The following PIGT variants were observed in gnomAD, a reference collection of about 807,000 sequenced individuals.
The protein encoded by PIGT is GPI-anchor transamidase component PIGT.
Under a neutral mutation model 66.7 loss-of-function variants are expected in PIGT, and 57 were observed. The observed-to-expected ratio is 0.86, with a 90% confidence interval of 0.69 to 1.07. PIGT has a LOEUF of 1.07. PIGT is among the 50% of genes least tolerant of loss of function. The pLI, the probability that PIGT is intolerant of heterozygous loss-of-function variation, is 0.00. For missense variants in PIGT, 725 were observed against 740.4 expected (o/e 0.98, Z 0.24); for synonymous variants, 362 against 320.5 (o/e 1.13, Z -1.38).
chr20:45,416,830 G>A (rs1288789588), intron 2 of PIGT, 136 bp downstream of exon 2: 20 of 740,306 alleles, frequency 2.7e-5, no homozygotes, highest in Non-Finnish European at 4.1e-5. Context: ...GGCATTGGAA[G>A]TAAGAAATGT....
chr20:45,424,256 C>T lies in PIGT; in HGVS notation c.1275C>T (p.Pro425=), dbSNP rs1990569959. 1.2e-6 allele frequency: 2 copies of T among 1,614,040 alleles called. No individual in the cohort carries two copies. Among genetic ancestry groups the T allele is most frequent in the East Asian group, 2.2e-5 (1 of 44,890 alleles). The part of the protein sequence containing the change: ...HYQPAQDRLQ[P]HLLEMLIQLP... Reference sequence around the variant, plus strand: ...AGCCTGCCCAGGACCGGCTGCAACCCCACCTCCTGGAGATGCTGATTCAGC... The same window carrying T: ...AGCCTGCCCAGGACCGGCTGCAACCTCACCTCCTGGAGATGCTGATTCAGC... Residue 425 remains proline (P), a synonymous_variant, in exon 10 of 12, where the codon CCC becomes CCT. Coordinates refer to ENST00000279036, the MANE Select transcript of PIGT (RefSeq NM_015937.6).
intron 11 of PIGT, chr20:45,425,197 TTCTTTCTTTCTC>T (rs1990661092): frequency 7.5e-6 from 1 of 133,990 alleles, no homozygotes; most frequent in Non-Finnish European, 1.6e-5. Flanking sequence ...CTTTCTTTCT[TTCTTTCTTTCTC>T]TTTCTTTCTT....
chr20:45,420,688 A>C lies in PIGT; in HGVS notation c.1028A>C (p.Glu343Ala). 6.2e-7 allele frequency: 1 copy of C among 1,613,942 alleles called. No individual in the cohort carries two copies. The highest frequency in any genetic ancestry group is 2.2e-5 in the East Asian group (1 of 44,842). ...CAGCTCAAGTGGAAGAGACCCCCAG[A>C]GAATGGTGAGTGGGTGGTTGGTTGG... ...NIQLKWKRPP[E>A]NEAPPVPFLH... The change falls in exon 8 of 12, where the codon GAG becomes GCG. Residue 343 changes from glutamate to alanine, a missense_variant. By Grantham distance (107) the Glu-to-Ala change is moderately radical (BLOSUM62 -1). Around this residue, in one of 3 missense-constraint regions of PIGT, gnomAD observed 559 missense variants for 552.7 expected, o/e 1.01. Transcript: ENST00000279036.
In PIGT at chr20:45,424,285, C is replaced by T. The variant is rs149586623; in HGVS notation, c.1304C>T (p.Pro435Leu). ...PHLLEMLIQL[P>L]ANSVTKVSIQ... ...CTCCTGGAGATGCTGATTCAGCTGC[C>T]GGCCAACTCAGTCACCAAGGTTTCC... Residue 435 changes from proline to leucine, a missense_variant, in exon 10 of 12, where the codon CCG becomes CTG. Around this residue, in one of 3 missense-constraint regions of PIGT, gnomAD observed 559 missense variants for 552.7 expected, o/e 1.01. Transcript: ENST00000279036. 3.1e-6 allele frequency: 5 copies of T among 1,614,040 alleles called. No individual in the cohort carries two copies. The highest frequency in any genetic ancestry group is 1.7e-5 in the Admixed American group (1 of 60,010).
chr20:45,425,201 TTCTTTC>T (rs1990662580), intron 11 of PIGT: 1 of 142,814 alleles, frequency 7.0e-6, no homozygotes, highest in Non-Finnish European at 1.5e-5. Context: ...CTTTCTTTCT[TTCTTTC>T]TCTTTCTTTC....
chr20:45,423,224 C>T (rs1234693562), intron 9 of PIGT: 1 of 151,778 alleles, frequency 6.6e-6, no homozygotes, highest in Admixed American at 6.6e-5. Context: ...GCCACCACGC[C>T]TGGCTAATTT....
rs2741575 is a variant in PIGT at position 45,420,149 on chromosome 20, C to A, written c.695C>A (p.Thr232Asn). ...CCCTTGTGATAGAATGCACGCTGTA[C>A]TAGCATCTCCTGGGAGCTGAGGCAG... ...IRPVCRNARC[T>N]SISWELRQTL... is the part of the protein sequence containing the mutation. Residue 232 changes from threonine to asparagine, a missense_variant, in exon 6 of 12, where the codon ACT becomes AAT. Transcript: ENST00000279036. The A allele has an allele frequency of 6.2e-7, 1 of 1,611,664 alleles. No individual in the cohort carries two copies. The highest frequency in any genetic ancestry group is 8.5e-7 in the Non-Finnish European group (1 of 1,178,756).
Position 45,421,487 on chromosome 20 carries a change from G to A in PIGT, c.1138G>A (p.Ala380Thr). ...TLLYNTHPYR[A>T]FPVLLLDTVP... ...GCTGTACAACACCCACCCATACCGGGCCTTCCCGGTGCTGCTGCTGGACAC... is the reference window on the plus strand; with the variant it reads ...GCTGTACAACACCCACCCATACCGGACCTTCCCGGTGCTGCTGCTGGACAC... The change falls in exon 9 of 12, where the codon GCC becomes ACC. Residue 380 changes from alanine (A) to threonine (T), a missense_variant. Physicochemically the swap from Ala to Thr is moderately conservative, Grantham distance 58. Coordinates refer to ENST00000279036, the MANE Select transcript of PIGT (RefSeq NM_015937.6). 4 of 1,614,210 alleles carry A rather than the reference G, an allele frequency of 2.5e-6. No individual in the cohort carries two copies. The highest frequency in any genetic ancestry group is 1.1e-5 in the South Asian group (1 of 91,088).
chr20:45,418,314 C>T (rs373809670), intron 2 of PIGT: 16 of 186,998 alleles, frequency 8.6e-5, no homozygotes, highest in East Asian at 6.2e-4. Flanking sequence ...ATACATGAGG[C>T]GCTTTCCATG....
At chr20:45,420,863 A>G in intron 8 of PIGT, 170 bp downstream of exon 8, 2 of 655,572 alleles carry the variant, frequency 3.1e-6, no homozygotes, top group South Asian at 3.9e-5. Context: ...AGGTTCCTAA[A>G]CTCCCCAAGC....
intron 4 of PIGT, 52 bp from the exon 5 acceptor site, chr20:45,419,452 C>T: frequency 1.2e-6 from 2 of 1,609,160 alleles, no homozygotes; most frequent in South Asian, 2.2e-5. Context: ...ACCTGCGCCC[C>T]ATGCCAAGTG....
intron 2 of PIGT, chr20:45,417,594 T>C (rs1466555492): frequency 6.6e-6 from 1 of 152,192 alleles, no homozygotes; most frequent in African/African-American, 2.4e-5. Context: ...TCCCAAAGTG[T>C]TGGGATTACA....
intron 8 of PIGT, 116 bp downstream of exon 8, chr20:45,420,809 A>G (rs1990315160): frequency 1.9e-6 from 2 of 1,062,818 alleles, no homozygotes; most frequent in East Asian, 2.4e-5. Context: ...TTCCAGAGTC[A>G]TATGCTGCTG....
chr20:45,424,736 G>T, intron 11 of PIGT, 157 bp downstream of exon 11: 2 of 614,602 alleles, frequency 3.3e-6, no homozygotes, highest in Non-Finnish European at 5.8e-6. Flanking sequence ...CTGGCAGTCT[G>T]TGGAATTTGT....
At chr20:45,419,257 C>A (rs1990186417) in intron 3 of PIGT, 38 bp from the exon 4 acceptor site, 1 of 1,549,840 alleles carries the variant, frequency 6.5e-7, no homozygotes, top group South Asian at 1.1e-5. Flanking sequence ...GGGGTCAGAG[C>A]CCAAGGCCCA....
rs1220658180 is a variant in PIGT at position 45,418,906 on chromosome 20, C to G, written c.420C>G (p.Ala140=). The change falls in exon 3 of 12, where the codon GCC becomes GCG. Residue 140 remains alanine (A), a synonymous_variant. Transcript: ENST00000279036. ...ATGTCCTCTCAGGGATCTTCTGCGC[C>G]TCTCTCAACTTCATCGACTCCACCA... is the stretch of plus-strand genomic sequence containing the variant. ...LSNVLSGIFC[A]SLNFIDSTNT... 6.2e-7 allele frequency: 1 copy of G among 1,614,000 alleles called. No homozygotes were observed. The highest frequency in any genetic ancestry group is 8.5e-7 in the Non-Finnish European group (1 of 1,179,908).
In PIGT at chr20:45,416,240, C is replaced by A. The variant is rs1184846951; in HGVS notation, c.84C>A (p.Asp28Glu). The change falls in exon 1 of 12, where the codon GAC (aspartate) becomes GAA (glutamate). Residue 28 changes from aspartate to glutamate, a missense_variant. Asp to Glu is a conservative substitution (Grantham distance 45, BLOSUM62 2). This residue lies in a region of PIGT where 559 missense variants were observed against 552.7 expected (regional missense o/e 1.01). Transcript: ENST00000279036. ...GGTGCCTTGCAGAACCCCCACGCGACAGCCTGCGGGAGGAACTTGTCATCA... is the reference window on the plus strand; with the variant it reads ...GGTGCCTTGCAGAACCCCCACGCGAAAGCCTGCGGGAGGAACTTGTCATCA... ...GGWCLAEPPR[D>E]SLREELVITP... is the part of the protein sequence containing the mutation. The A allele has an allele frequency of 6.3e-7, 1 of 1,596,726 alleles. No individual in the cohort carries two copies. The highest frequency in any genetic ancestry group is 1.1e-5 in the South Asian group (1 of 88,384).
intron 9 of PIGT, chr20:45,423,807 CA>C (rs1191446466): frequency 5.0e-6 from 1 of 199,582 alleles, no homozygotes; most frequent in Non-Finnish European, 1.0e-5. Context: ...GTGTTTAACA[CA>C]CCCCTCCTCT....
At chr20:45,424,871 G>A (rs1016616564) in intron 11 of PIGT, 2 of 440,492 alleles carry the variant, frequency 4.5e-6, no homozygotes. Flanking sequence ...GCTTCTGAGA[G>A]CACTGAGTGT....
Sources: allele counts gnomAD v4.1 joint callset, GRCh38; gene constraint gnomAD v4.1.1; regional missense constraint gnomAD v4.1.1; transcripts MANE v1.5; gene names NCBI Gene and HGNC (gene_info 2026-07-23, HGNC 2026-07-21).